The following POLN variants were observed in gnomAD, a reference collection of about 807,000 sequenced individuals.
POLN encodes the protein DNA polymerase nu, also known as DNA polymerase N.
In POLN, 108 loss-of-function variants were observed where a neutral mutation model predicts 113.5. That is an observed-to-expected ratio of 0.95 (90% CI 0.81 to 1.12). POLN has a LOEUF of 1.12. Among genes scored for constraint, POLN ranks in the 50% most tolerant of loss-of-function variants. The probability of loss-of-function intolerance (pLI) is 0.00; values close to 1 mark genes in which losing one functional copy is unlikely to be tolerated. For synonymous variants in POLN, 386 were observed against 391.5 expected (o/e 0.99, Z 0.17); for missense variants, 1,097 against 1,077.1 (o/e 1.02, Z -0.26).
chr4:2,174,004 G>T lies in POLN; in HGVS notation c.1325C>A (p.Ala442Asp). 5 of 1,614,156 alleles carry T rather than the reference G, an allele frequency of 3.1e-6. No homozygotes were observed. Among genetic ancestry groups the T allele is most frequent in the Non-Finnish European group, 4.2e-6 (5 of 1,180,014 alleles). ...CATCTCCTCTTTGTTCACCTGAATG[G>T]CATGGCTTTCCATCACTGTGATTCG... ...IPILAVMESH[A>D]IQVNKEEMEK... The change falls in exon 11 of 26, where the codon GCC becomes GAC. Residue 442 changes from alanine to aspartate, a missense_variant. Transcript: ENST00000511885.
chr4:2,137,996 G>A (rs1247638013), intron 16 of POLN, among the ~76,000 whole-genome samples: 14 of 152,034 alleles, frequency 9.2e-5, no homozygotes, highest in South Asian at 2.1e-4. Flanking sequence ...ACGCCACCAC[G>A]CCCAGCTAAT....
At chr4:2,236,105 T>C (rs1468177770) in intron 2 of POLN, 2 of 597,270 alleles carry the variant, frequency 3.3e-6, no homozygotes, top group Non-Finnish European at 5.8e-6. Flanking sequence ...GATATAGAAA[T>C]ATACTTTATA....
chr4:2,121,508 A>T (rs1302846144), intron 19 of POLN, among the ~76,000 whole-genome samples: 1 of 151,222 alleles, frequency 6.6e-6, no homozygotes, highest in Non-Finnish European at 1.5e-5. Flanking sequence ...TTTTCAGGAA[A>T]TTTTAAGGGA....
chr4:2,167,048 C>G (rs1173133134), intron 13 of POLN, among the ~76,000 whole-genome samples: 1 of 152,206 alleles, frequency 6.6e-6, no homozygotes, highest in East Asian at 1.9e-4. Flanking sequence ...CTTTTCCCCA[C>G]TAAACCATCA....
intron 17 of POLN, among the ~76,000 whole-genome samples, chr4:2,130,291 A>G (rs1156716323): frequency 1.1e-4 from 6 of 53,294 alleles, no homozygotes; most frequent in Non-Finnish European, 2.2e-4. Context: ...AGAGGGGAGG[A>G]GAGGGGAGGG....
intron 4 of POLN, among the ~76,000 whole-genome samples, chr4:2,209,828 A>G (rs905154949): frequency 1.3e-5 from 2 of 150,138 alleles, no homozygotes; most frequent in Non-Finnish European, 3.0e-5. Flanking sequence ...TATCCAGCGA[A>G]TTTTTCTATT....
At chr4:2,165,980 T>C (rs1732719454) in intron 13 of POLN, among the ~76,000 whole-genome samples, 1 of 152,140 alleles carries the variant, frequency 6.6e-6, no homozygotes, top group South Asian at 2.1e-4. Context: ...TCTCACTATG[T>C]TGCCCAGGCT....
chr4:2,219,889 A>T (rs186604825), intron 3 of POLN, among the ~76,000 whole-genome samples: 178 of 152,222 alleles, frequency 1.2e-3, no homozygotes, highest in African/African-American at 4.1e-3. Flanking sequence ...CGGGTTGTCA[A>T]ATCCAGTGTC....
At chr4:2,235,186 T>C (rs1734717705) in intron 2 of POLN, among the ~76,000 whole-genome samples, 1 of 152,258 alleles carries the variant, frequency 6.6e-6, no homozygotes, top group Non-Finnish European at 1.5e-5. Flanking sequence ...ACCCAGCCTA[T>C]GTGGAGAAAT....
chr4:2,200,633 C>T (rs34357906), intron 5 of POLN, among the ~76,000 whole-genome samples: 6,078 of 152,212 alleles, frequency 0.04, 164 homozygotes, highest in Middle Eastern at 0.051. Context: ...TACAGCTCAG[C>T]TCTCAGGAAG....
rs1422854806 is a variant in POLN at position 2,179,313 on chromosome 4, T to C, written c.1174A>G (p.Ile392Val). ...CTTTATCTTAAACAACTCACCACAA[T>C]ATTTCTTGAGGAATTTCCATATGTG... ...NSTYGNSSRN[I>V]VNQNVRENLK... Residue 392 changes from isoleucine to valine, a missense_variant, in exon 8 of 26, where the codon ATT becomes GTT. Coordinates refer to ENST00000511885, the MANE Select transcript of POLN (RefSeq NM_181808.4). 6.2e-7 allele frequency: 1 copy of C among 1,611,182 alleles called. No homozygotes were observed. The highest frequency in any genetic ancestry group is 8.5e-7 in the Non-Finnish European group (1 of 1,178,582).
chr4:2,197,597 T>G (rs1218773020), intron 6 of POLN, among the ~76,000 whole-genome samples: 3 of 152,202 alleles, frequency 2.0e-5, no homozygotes, highest in Non-Finnish European at 1.5e-5. Context: ...CATCCAGATA[T>G]TAGGGCTCTG....
chr4:2,137,427 C>G (rs1361990805), intron 16 of POLN, among the ~76,000 whole-genome samples: 2 of 152,208 alleles, frequency 1.3e-5, no homozygotes, highest in Non-Finnish European at 2.9e-5. Context: ...TGGCACAGAG[C>G]TCAGAGTGAG....
intron 21 of POLN, 151 bp from the exon 22 acceptor site, chr4:2,081,894 G>A: frequency 3.2e-6 from 2 of 621,388 alleles, no homozygotes; most frequent in Non-Finnish European, 5.8e-6. Flanking sequence ...TCTATCATGG[G>A]GGCAAGTGGG....
chr4:2,213,771 G>T (rs1300362928), intron 3 of POLN, among the ~76,000 whole-genome samples: 1 of 152,128 alleles, frequency 6.6e-6, no homozygotes, highest in African/African-American at 2.4e-5. Flanking sequence ...TGATGAAAAT[G>T]TAAAATCTTA....
intron 3 of POLN, chr4:2,228,790 A>G (rs1734474977): frequency 3.8e-6 from 1 of 264,608 alleles, no homozygotes; most frequent in Non-Finnish European, 7.2e-6. Context: ...TACTATGTAC[A>G]GGTTTGATGA....
chr4:2,231,694 G>C, intron 2 of POLN: 1 of 311,858 alleles, frequency 3.2e-6, no homozygotes, highest in Admixed American at 5.2e-5. Context: ...CTTTTTCCCT[G>C]TAAGTAAAAA....
chr4:2,077,998 CTG>C (rs1445380271), intron 23 of POLN, among the ~76,000 whole-genome samples: 2 of 152,210 alleles, frequency 1.3e-5, no homozygotes, highest in African/African-American at 4.8e-5. Context: ...GATGGCCTGA[CTG>C]AGATCACTGC....
chr4:2,187,945 CTACAAAATAAAAA>C, intron 7 of POLN, among the ~76,000 whole-genome samples: 1 of 151,744 alleles, frequency 6.6e-6, no homozygotes, highest in South Asian at 2.1e-4. Context: ...ACCCCTGTCT[CTACAAAATAAAAA>C]TAAAAAAATT....
Sources: gnomAD v4.1 joint callset for allele counts (sites outside exome capture counted in the v4.1 genomes callset) on GRCh38, gnomAD v4.1.1 for gene constraint, MANE v1.5 for transcripts, NCBI Gene and HGNC (gene_info 2026-07-23, HGNC 2026-07-21) for gene names.